Variants in SEMA3C observed in about 807,000 individuals in gnomAD.
SEMA3C encodes semaphorin-3C.
Under a neutral mutation model 89.4 loss-of-function variants are expected in SEMA3C, and 47 were observed. That is an observed-to-expected ratio of 0.53 (90% confidence interval 0.42 to 0.67). SEMA3C has a LOEUF of 0.67. SEMA3C is among the 30% of genes least tolerant of loss of function. The pLI, the probability that SEMA3C is intolerant of heterozygous loss-of-function variation, is 0.00. For missense variants in SEMA3C, 839 were observed against 929.1 expected (o/e 0.90, Z 1.26); for synonymous variants, 310 against 320.2 (o/e 0.97, Z 0.34).
At chr7:80,859,721 G>A (rs1389261841) in intron 2 of SEMA3C, among the ~76,000 whole-genome samples, 1 of 152,096 alleles carries the variant, frequency 6.6e-6, no homozygotes, top group Non-Finnish European at 1.5e-5. Flanking sequence ...CCTCCATTTA[G>A]CTGTCTTTTG....
chr7:80,839,332 C>T (rs183904182), intron 2 of SEMA3C, among the ~76,000 whole-genome samples: 1 of 152,244 alleles, frequency 6.6e-6, no homozygotes, highest in East Asian at 1.9e-4. Context: ...TTCTAGACCT[C>T]TTGGCACTTC....
intron 15 of SEMA3C, among the ~76,000 whole-genome samples, chr7:80,755,765 T>C (rs758411910): frequency 2.1e-4 from 32 of 152,066 alleles, no homozygotes; most frequent in Non-Finnish European, 4.3e-4. Flanking sequence ...CAAATATGGT[T>C]GAAAAATACC....
intron 2 of SEMA3C, among the ~76,000 whole-genome samples, chr7:80,905,212 TAGGGAGAGACAGGGAGAGAG>T (rs1791977825): frequency 1.4e-5 from 1 of 70,498 alleles, no homozygotes; most frequent in Admixed American, 1.9e-4. Context: ...AAGAGGGAGG[TAGGGAGAGACAGGGAGAGAG>T]AGGGAGAGAG....
chr7:80,775,417 T>TA (rs1788524744), intron 12 of SEMA3C, among the ~76,000 whole-genome samples: 1 of 152,090 alleles, frequency 6.6e-6, no homozygotes, highest in African/African-American at 2.4e-5. Context: ...CTATTTACTC[T>TA]AAAAAATAAA....
At chr7:80,898,594 C>T (rs912733035) in intron 2 of SEMA3C, among the ~76,000 whole-genome samples, 7 of 152,010 alleles carry the variant, frequency 4.6e-5, no homozygotes, top group African/African-American at 1.7e-4. Flanking sequence ...AGAACCAAAT[C>T]ACACTAGTCC....
intron 11 of SEMA3C, chr7:80,793,475 A>T: frequency 2.2e-6 from 1 of 451,336 alleles, no homozygotes; most frequent in Non-Finnish European, 4.4e-6. Context: ...AATTACTGTT[A>T]TCTTCAGACA....
chr7:80,877,502 T>G (rs901059295), intron 2 of SEMA3C, among the ~76,000 whole-genome samples: 7 of 152,196 alleles, frequency 4.6e-5, no homozygotes. Context: ...TAATCTCAAG[T>G]GTGATTTAAA....
intron 2 of SEMA3C, among the ~76,000 whole-genome samples, chr7:80,880,440 G>A (rs750192118): frequency 2.7e-4 from 41 of 152,186 alleles, no homozygotes; most frequent in Non-Finnish European, 5.6e-4. Flanking sequence ...CTAAGTATCT[G>A]TTAAATGAAT....
At chr7:80,747,942 A>G (rs1292551153) in intron 17 of SEMA3C, among the ~76,000 whole-genome samples, 1 of 152,144 alleles carries the variant, frequency 6.6e-6, no homozygotes, top group Non-Finnish European at 1.5e-5. Context: ...GTATTTTTCC[A>G]TATGAAACCA....
chr7:80,853,797 G>A (rs958070097), intron 2 of SEMA3C, among the ~76,000 whole-genome samples: 25 of 152,024 alleles, frequency 1.6e-4, no homozygotes, highest in African/African-American at 5.3e-4. Flanking sequence ...GTAACAAAAA[G>A]GATTAATCCT....
rs946450116 is a variant in SEMA3C at position 80,894,422 on chromosome 7, T to A, written c.103+22257A>T. Among the ~76,000 whole-genome samples the A allele has an allele frequency of 2.6e-5, 4 of 152,274 alleles. No individual in the cohort carries two copies. In the East Asian group the frequency reaches 7.7e-4, roughly 29 times the overall value. Reference sequence around the variant, plus strand: ...TCACTGGAATTAAATTTTACATGATTTAGTTTTTCAATATTACAAGAATTT... The same window carrying A: ...TCACTGGAATTAAATTTTACATGATATAGTTTTTCAATATTACAAGAATTT... On this transcript the variant is annotated intron_variant, in intron 2 of 17. Transcript: ENST00000265361.
intron 2 of SEMA3C, among the ~76,000 whole-genome samples, chr7:80,901,432 A>G (rs1001300230): frequency 1.3e-5 from 2 of 152,212 alleles, no homozygotes; most frequent in African/African-American, 2.4e-5. Flanking sequence ...ACAGTTTCCT[A>G]AATCAGATAT....
intron 6 of SEMA3C, among the ~76,000 whole-genome samples, chr7:80,809,108 A>T (rs1344479573): frequency 6.6e-6 from 1 of 152,148 alleles, no homozygotes; most frequent in Non-Finnish European, 1.5e-5. Flanking sequence ...TGTCTCAATC[A>T]AAAGAGAATG....
intron 2 of SEMA3C, among the ~76,000 whole-genome samples, chr7:80,879,931 G>C (rs540527925): frequency 6.6e-6 from 1 of 152,214 alleles, no homozygotes; most frequent in East Asian, 1.9e-4. Context: ...CTTTATAGGA[G>C]ACCCATCACG....
intron 2 of SEMA3C, among the ~76,000 whole-genome samples, chr7:80,912,431 G>T (rs1371557382): frequency 1.3e-5 from 2 of 152,102 alleles, no homozygotes; most frequent in African/African-American, 4.8e-5. Context: ...TTTTATAACA[G>T]TTTTTACCTT....
chr7:80,805,993 C>T (rs908788053), intron 6 of SEMA3C, among the ~76,000 whole-genome samples: 4 of 151,890 alleles, frequency 2.6e-5, no homozygotes, highest in Non-Finnish European at 4.4e-5. Context: ...AACCTCAAAA[C>T]AACTTTATTC....
intron 2 of SEMA3C, among the ~76,000 whole-genome samples, chr7:80,897,405 A>T (rs954820025): frequency 1.3e-5 from 2 of 152,198 alleles, no homozygotes; most frequent in African/African-American, 4.8e-5. Flanking sequence ...GAACTACAGG[A>T]GAGATTCAGT....
chr7:80,856,583 GA>G (rs58566322), intron 2 of SEMA3C, among the ~76,000 whole-genome samples: 12,472 of 116,162 alleles, frequency 0.11, 769 homozygotes, highest in African/African-American at 0.21. Flanking sequence ...AATTTATGCT[GA>G]AAAAAAAAAA....
intron 2 of SEMA3C, among the ~76,000 whole-genome samples, chr7:80,901,589 T>C (rs1335734836): frequency 1.3e-5 from 2 of 152,232 alleles, no homozygotes; most frequent in Admixed American, 6.5e-5. Flanking sequence ...GGAAAATGTA[T>C]CTTTCCATTA....
Sources: gnomAD v4.1 joint callset for allele counts (sites outside exome capture counted in the v4.1 genomes callset) on GRCh38, gnomAD v4.1.1 for gene constraint, MANE v1.5 for transcripts, NCBI Gene and HGNC (gene_info 2026-07-23, HGNC 2026-07-21) for gene names.